GABRB1: variants seen among roughly 807,000 people sequenced by gnomAD.
The protein encoded by GABRB1 is gamma-aminobutyric acid type A receptor subunit beta1, also known as gamma-aminobutyric acid receptor subunit beta-1.
A neutral mutation model predicts 51.6 loss-of-function variants in GABRB1; 17 were observed. The observed-to-expected ratio is 0.33, with a 90% CI of 0.23 to 0.49. The LOEUF (loss-of-function observed/expected upper bound fraction) is 0.49, where lower values mean the gene tolerates loss of function less well. Among genes scored for constraint, GABRB1 ranks in the 20% least tolerant of loss-of-function variants. The pLI, the probability that GABRB1 is intolerant of heterozygous loss-of-function variation, is 0.99. For missense variants in GABRB1, 410 were observed against 600.6 expected, an observed-to-expected ratio of 0.68 and a Z score of 3.32; for synonymous variants, 247 against 218.9, an observed-to-expected ratio of 1.13 and a Z score of -1.14.
rs866203577 is a variant in GABRB1 at position 47,425,864 on chromosome 4, C to T, written c.1271C>T (p.Pro424Leu). 1.2e-6 allele frequency: 2 copies of T among 1,614,132 alleles called. No individual in the cohort carries two copies. The highest frequency in any genetic ancestry group is 1.7e-6 in the Non-Finnish European group (2 of 1,180,006). Residue 424 changes from proline to leucine, a missense_variant, in exon 9 of 9, where the codon CCC becomes CTC. Physicochemically the swap from Pro to Leu is moderately conservative, Grantham distance 98 (BLOSUM62 -3). Coordinates refer to ENST00000295454, the MANE Select transcript of GABRB1 (RefSeq NM_000812.4). ...CGCGCCCTGGACCGGCACGGGGTAC[C>T]CAGCAAGGGGCGCATCCGCAGGCGT... The part of the protein sequence containing the change: ...YGRALDRHGV[P>L]SKGRIRRRAS...
At chr4:47,227,850 CTTG>C (rs1415087607) in intron 4 of GABRB1, among the ~76,000 whole-genome samples, 1 of 152,146 alleles carries the variant, frequency 6.6e-6, no homozygotes, top group African/African-American at 2.4e-5. Flanking sequence ...TGGCTGCCTT[CTTG>C]TTGTTTCTTC....
intron 3 of GABRB1, among the ~76,000 whole-genome samples, chr4:47,141,197 A>G (rs1227955151): frequency 6.6e-6 from 1 of 151,860 alleles, no homozygotes; most frequent in East Asian, 1.9e-4. Flanking sequence ...GTGCTTCAGG[A>G]AAGAGGTAAA....
intron 4 of GABRB1, among the ~76,000 whole-genome samples, chr4:47,223,781 A>T (rs1400798266): frequency 4.6e-5 from 7 of 152,168 alleles, no homozygotes; most frequent in Non-Finnish European, 1.0e-4. Context: ...TGACATTAGA[A>T]AATAAGTCCT....
At chr4:47,339,543 G>GTGTATGTGTGCATA (rs1725810283) in intron 5 of GABRB1, among the ~76,000 whole-genome samples, 1 of 48,482 alleles carries the variant, frequency 2.1e-5, no homozygotes, top group Non-Finnish European at 3.8e-5. Context: ...GTGTGCATAT[G>GTGTATGTGTGCATA]TGTGTGTGTG....
intron 4 of GABRB1, among the ~76,000 whole-genome samples, chr4:47,298,737 A>T (rs1277444842): frequency 1.3e-5 from 2 of 152,190 alleles, no homozygotes; most frequent in Non-Finnish European, 2.9e-5. Flanking sequence ...GGAAAAAACT[A>T]CTTTAAAGTT....
At chr4:47,203,943 T>A (rs1720010429) in intron 4 of GABRB1, among the ~76,000 whole-genome samples, 1 of 152,098 alleles carries the variant, frequency 6.6e-6, no homozygotes, top group African/African-American at 2.4e-5. Context: ...CTTAGATAGG[T>A]CTGAAGAATA....
chr4:46,996,453 C>A (rs1560489854), intron 1 of GABRB1, among the ~76,000 whole-genome samples: 1 of 152,126 alleles, frequency 6.6e-6, no homozygotes, highest in Non-Finnish European at 1.5e-5. Flanking sequence ...AGGATGGACA[C>A]TTTAAAGCCC....
At chr4:47,242,530 G>A (rs570699889) in intron 4 of GABRB1, among the ~76,000 whole-genome samples, 87 of 152,112 alleles carry the variant, frequency 5.7e-4, no homozygotes, top group African/African-American at 1.7e-3. Context: ...CTATTTCTCC[G>A]CATCCTCTCC....
intron 4 of GABRB1, among the ~76,000 whole-genome samples, chr4:47,268,982 A>G (rs1722750604): frequency 6.6e-6 from 1 of 152,260 alleles, no homozygotes; most frequent in Admixed American, 6.5e-5. Flanking sequence ...TTTTATTTTC[A>G]TTTTTGGTTT....
chr4:47,345,271 C>T (rs529932799), intron 5 of GABRB1, among the ~76,000 whole-genome samples: 2 of 152,074 alleles, frequency 1.3e-5, no homozygotes, highest in African/African-American at 4.8e-5. Flanking sequence ...AAGATGACAA[C>T]AGAGAGCAAA....
At chr4:47,192,413 T>A (rs1321804562) in intron 4 of GABRB1, among the ~76,000 whole-genome samples, 1 of 152,210 alleles carries the variant, frequency 6.6e-6, no homozygotes, top group Non-Finnish European at 1.5e-5. Context: ...AAGGAAAATG[T>A]AATTTAATCC....
chr4:47,311,223 G>A (rs59053084), intron 4 of GABRB1, among the ~76,000 whole-genome samples: 1,152 of 97,596 alleles, frequency 0.012, 19 homozygotes, highest in African/African-American at 0.039. Context: ...GTAAAAACCC[G>A]TCTCTACTAA....
intron 4 of GABRB1, among the ~76,000 whole-genome samples, chr4:47,233,118 C>G (rs6852194): frequency 1.3e-5 from 2 of 152,088 alleles, no homozygotes; most frequent in Admixed American, 1.3e-4. Flanking sequence ...TCAGGCAGTC[C>G]GCCTGCCTTG....
intron 4 of GABRB1, among the ~76,000 whole-genome samples, chr4:47,228,341 C>T (rs1291751548): frequency 6.6e-6 from 1 of 152,106 alleles, no homozygotes; most frequent in Admixed American, 6.6e-5. Context: ...ATAAGATAGA[C>T]ATTCTTATTC....
intron 5 of GABRB1, among the ~76,000 whole-genome samples, chr4:47,392,924 TTTAGTA>T (rs2110040534): frequency 6.6e-6 from 1 of 152,292 alleles, no homozygotes; most frequent in South Asian, 2.1e-4. Context: ...ATCTAGCTAG[TTTAGTA>T]TGTATGCTAA....
At chr4:47,140,474 T>C (rs1370439569) in intron 3 of GABRB1, among the ~76,000 whole-genome samples, 2 of 151,854 alleles carry the variant, frequency 1.3e-5, no homozygotes, top group African/African-American at 2.4e-5. Flanking sequence ...CCAAAAGAGC[T>C]CCTAAACACT....
intron 5 of GABRB1, among the ~76,000 whole-genome samples, chr4:47,378,284 C>T (rs1727461536): frequency 6.6e-6 from 1 of 152,214 alleles, no homozygotes; most frequent in Non-Finnish European, 1.5e-5. Context: ...CCTCCGCAGC[C>T]GCTGGCCTAG....
At chr4:47,345,172 G>A (rs761982967) in intron 5 of GABRB1, among the ~76,000 whole-genome samples, 44 of 152,044 alleles carry the variant, frequency 2.9e-4, no homozygotes, top group Non-Finnish European at 6.0e-4. Context: ...TTTAGAATTG[G>A]CATCAAATAA....
chr4:47,136,349 G>C (rs184949548), intron 3 of GABRB1, among the ~76,000 whole-genome samples: 2 of 151,914 alleles, frequency 1.3e-5, no homozygotes, highest in East Asian at 1.9e-4. Context: ...CTTATGTAAC[G>C]TTAGGGGATT....
Sources: allele counts gnomAD v4.1 joint callset (sites outside exome capture counted in the v4.1 genomes callset), GRCh38; gene constraint gnomAD v4.1.1; transcripts MANE v1.5; gene names NCBI Gene and HGNC (gene_info 2026-07-23, HGNC 2026-07-21).